PDE1A: variants seen among roughly 807,000 people sequenced by gnomAD.
The protein encoded by PDE1A is dual specificity calcium/calmodulin-dependent 3',5'-cyclic nucleotide phosphodiesterase 1A.
A neutral mutation model predicts 61.7 loss-of-function variants in PDE1A; 35 were observed. The ratio of observed to expected loss-of-function variants is 0.57; its 90% CI spans 0.43 to 0.75. PDE1A has a LOEUF of 0.75. PDE1A is among the 30% of genes least tolerant of loss of function. The probability of loss-of-function intolerance (pLI) is 0.00; values close to 1 mark genes in which losing one functional copy is unlikely to be tolerated. For missense variants in PDE1A, 597 were observed against 630.6 expected (o/e 0.95, Z 0.57); for synonymous variants, 232 against 213.2 (o/e 1.09, Z -0.77).
the PDE1A span, among the ~76,000 whole-genome samples, chr2:182,662,204 G>T: frequency 0.69 from 103,469 of 150,686 alleles, 35,883 homozygotes; most frequent in Middle Eastern, 0.76. Flanking sequence ...ACTTGATATT[G>T]CACCATAAAG....
chr2:182,241,989 T>C, intron 2 of PDE1A: 8 of 1,460,216 alleles, frequency 5.5e-6, no homozygotes, highest in Non-Finnish European at 7.2e-6. Context: ...ACTTTAAAGA[T>C]AATGCCATTT....
chr2:182,577,453 T>C, the PDE1A span, among the ~76,000 whole-genome samples: 3 of 152,240 alleles, frequency 2.0e-5, no homozygotes, highest in East Asian at 5.8e-4. Context: ...GACAGCCAGA[T>C]GTCTTAGATA....
At chr2:182,408,505 G>A (rs1388756465) in intron 1 of PDE1A, among the ~76,000 whole-genome samples, 1 of 152,152 alleles carries the variant, frequency 6.6e-6, no homozygotes, top group Non-Finnish European at 1.5e-5. Flanking sequence ...TTATCCCTTA[G>A]CCATGGCCCT....
chr2:182,279,025 T>C (rs148053315), intron 1 of PDE1A, among the ~76,000 whole-genome samples: 224 of 152,098 alleles, frequency 1.5e-3, no homozygotes, highest in African/African-American at 5.1e-3. Context: ...TATAGTTTCT[T>C]AGAGACTCTT....
intron 1 of PDE1A, among the ~76,000 whole-genome samples, chr2:182,280,194 C>T (rs1574237815): frequency 6.6e-6 from 1 of 151,710 alleles, no homozygotes; most frequent in South Asian, 2.1e-4. Flanking sequence ...ACATTATGTT[C>T]TGAATGTCTA....
intron 13 of PDE1A, among the ~76,000 whole-genome samples, chr2:182,181,779 G>C (rs1270268357): frequency 1.3e-5 from 2 of 152,170 alleles, no homozygotes; most frequent in Non-Finnish European, 2.9e-5. Context: ...GCCCAGTGAG[G>C]AGGAATCTAG....
intron 6 of PDE1A, among the ~76,000 whole-genome samples, chr2:182,228,416 C>G (rs968764484): frequency 6.6e-6 from 1 of 152,080 alleles, no homozygotes; most frequent in Non-Finnish European, 1.5e-5. Flanking sequence ...ATAGGGCCAC[C>G]CTGAAATAGC....
chr2:182,304,038 C>A (rs1177242648), intron 1 of PDE1A, among the ~76,000 whole-genome samples: 1 of 143,676 alleles, frequency 7.0e-6, no homozygotes. Context: ...GTAGCTGGGA[C>A]TACAGGTGTG....
At chr2:182,152,968 T>C (rs1027186600) in intron 13 of PDE1A, among the ~76,000 whole-genome samples, 1 of 152,202 alleles carries the variant, frequency 6.6e-6, no homozygotes, top group Non-Finnish European at 1.5e-5. Context: ...GTAAATTATG[T>C]ATTGGTTCAT....
intron 3 of PDE1A, 100 bp downstream of exon 3, chr2:182,240,010 G>A (rs574915635): frequency 1.3e-4 from 130 of 992,906 alleles, no homozygotes; most frequent in South Asian, 3.3e-4. Context: ...CACAGTTTTC[G>A]TCAATAAGTG....
chr2:182,596,679 C>CTGCATGGATGGA, the PDE1A span, among the ~76,000 whole-genome samples: 3 of 149,108 alleles, frequency 2.0e-5, no homozygotes, highest in Non-Finnish European at 4.5e-5. Flanking sequence ...GAATAATAAA[C>CTGCATGGATGGA]TGGATGGATG....
At chr2:182,312,971 T>C (rs1191581599) in intron 1 of PDE1A, among the ~76,000 whole-genome samples, 1 of 152,216 alleles carries the variant, frequency 6.6e-6, no homozygotes, top group Admixed American at 6.5e-5. Context: ...CTTTAATTTC[T>C]TTCTGCAATG....
chr2:182,213,854 A>C (rs1275113806), intron 7 of PDE1A, among the ~76,000 whole-genome samples: 1 of 103,174 alleles, frequency 9.7e-6, no homozygotes, highest in East Asian at 3.8e-4. Context: ...GCAGGATATT[A>C]TCCAGGAGAA....
intron 2 of PDE1A, among the ~76,000 whole-genome samples, chr2:182,479,116 G>A (rs1687550754): frequency 6.6e-6 from 1 of 151,874 alleles, no homozygotes; most frequent in South Asian, 2.1e-4. Context: ...AAATATATGT[G>A]AATATTAATC....
intron 6 of PDE1A, 24 bp downstream of exon 6, chr2:182,229,982 C>A: frequency 1.3e-6 from 2 of 1,588,910 alleles, no homozygotes; most frequent in African/African-American, 1.3e-5. Context: ...AACTAACAAA[C>A]CTCAGTTACA....
At chr2:182,660,623 G>A in the PDE1A span, among the ~76,000 whole-genome samples, 1 of 152,194 alleles carries the variant, frequency 6.6e-6, no homozygotes, top group African/African-American at 2.4e-5. Context: ...TTAAGAGAAG[G>A]AAAGCAAATA....
intron 6 of PDE1A, among the ~76,000 whole-genome samples, chr2:182,225,697 C>T (rs1042557613): frequency 7.2e-6 from 1 of 139,188 alleles, no homozygotes; most frequent in Non-Finnish European, 1.5e-5. Context: ...ATGCACTGCA[C>T]CTATCATGTC....
the PDE1A span, among the ~76,000 whole-genome samples, chr2:182,600,949 T>C: frequency 6.6e-6 from 1 of 152,224 alleles, no homozygotes; most frequent in Non-Finnish European, 1.5e-5. Context: ...CAGAACTTTG[T>C]GGCTGCTATC....
intron 1 of PDE1A, among the ~76,000 whole-genome samples, chr2:182,309,797 A>T (rs971788565): frequency 6.6e-5 from 10 of 152,150 alleles, no homozygotes; most frequent in African/African-American, 2.2e-4. Flanking sequence ...TTCTGACACA[A>T]AGACATGGAG....
Sources: allele counts gnomAD v4.1 joint callset (sites outside exome capture counted in the v4.1 genomes callset), GRCh38; gene constraint gnomAD v4.1.1; transcripts MANE v1.5; gene names NCBI Gene and HGNC (gene_info 2026-07-23, HGNC 2026-07-21).